Variants in POLR2F observed in about 807,000 individuals in gnomAD.
POLR2F encodes the protein RNA polymerase II, I and III subunit F.
A neutral mutation model predicts 22.7 loss-of-function variants in POLR2F; 12 were observed. The ratio of observed to expected loss-of-function variants is 0.53; its 90% confidence interval spans 0.34 to 0.86. POLR2F has a LOEUF of 0.86. Ranked by LOEUF, POLR2F falls within the 40% of genes least tolerant of loss-of-function variation. POLR2F has a pLI of 0.02. For synonymous variants in POLR2F, 57 were observed against 66.0 expected (o/e 0.86, Z 0.66); for missense variants, 126 against 171.5 (o/e 0.73, Z 1.48).
intron 3 of POLR2F, among the ~76,000 whole-genome samples, chr22:37,964,156 T>A (rs1009152382): frequency 2.0e-5 from 3 of 151,040 alleles, no homozygotes; most frequent in African/African-American, 7.3e-5. Context: ...AGGTGTTTTC[T>A]GGTGGGGGAG....
At chr22:38,033,402 C>A (rs1379468287) in intron 5 of POLR2F, among the ~76,000 whole-genome samples, 2 of 152,198 alleles carry the variant, frequency 1.3e-5, no homozygotes, top group Admixed American at 1.3e-4. Flanking sequence ...TCCCTGGCCC[C>A]AGATCCCAGA....
In POLR2F at chr22:37,986,497, C is replaced by G. The variant is rs1433405967; in HGVS notation, c.120+185C>G. Reference sequence around the variant, plus strand: ...CCACAGCTGCCCCCTCTCTAACTCCCTGCTTCCTCCTTTGCCCTCCTTGGT... The same window carrying G: ...CCACAGCTGCCCCCTCTCTAACTCCGTGCTTCCTCCTTTGCCCTCCTTGGT... On this transcript the variant is annotated intron_variant, in intron 1 of 2. Transcript: ENST00000333418. This position sits in a 1 kb window ranked among gnomAD's most constrained non-coding sequence, Gnocchi z 4.7. 2 of 1,344,448 alleles carry G rather than the reference C, an allele frequency of 1.5e-6. No homozygotes were observed. Among genetic ancestry groups the G allele is most frequent in the Non-Finnish European group, 2.1e-6 (2 of 972,936 alleles). 83.3% of individuals were successfully genotyped at this position (1,344,448 alleles called of 1,614,324 possible).
chr22:38,025,825 T>C, intron 1 of POLR2F: 1 of 1,395,012 alleles, frequency 7.2e-7, no homozygotes, highest in Non-Finnish European at 1.0e-6. Flanking sequence ...GCATGGTGTT[T>C]CCTATGTATG....
intron 1 of POLR2F, among the ~76,000 whole-genome samples, chr22:38,007,748 G>C (rs1032243994): frequency 2.6e-5 from 4 of 152,256 alleles, no homozygotes; most frequent in Admixed American, 2.6e-4. Context: ...CTGAGGGAGG[G>C]AGAGGGGAAC....
At chr22:37,990,331 C>T (rs1472977960) in intron 1 of POLR2F, among the ~76,000 whole-genome samples, 1 of 152,242 alleles carries the variant, frequency 6.6e-6, no homozygotes, top group Non-Finnish European at 1.5e-5. Flanking sequence ...TCTTCCTTCG[C>T]TCCCAACTCC....
chr22:38,040,869 A>G, intron 5 of POLR2F: 1 of 746,380 alleles, frequency 1.3e-6, no homozygotes, highest in Non-Finnish European at 2.2e-6. Context: ...AGCTTTTATA[A>G]AACGTGTGGA....
At chr22:38,003,523 G>A (rs543191420) in intron 1 of POLR2F, among the ~76,000 whole-genome samples, 12 of 148,760 alleles carry the variant, frequency 8.1e-5, no homozygotes, top group African/African-American at 3.0e-4. Context: ...CACTGCACCC[G>A]GCTGGGAGAT....
chr22:37,993,922 G>T (rs2084686177), intron 1 of POLR2F, among the ~76,000 whole-genome samples: 1 of 152,198 alleles, frequency 6.6e-6, no homozygotes. Context: ...CCGAGAGGCG[G>T]AGCTTGCAGT....
At chr22:38,014,812 T>G (rs888139584) in intron 1 of POLR2F, among the ~76,000 whole-genome samples, 2 of 144,944 alleles carry the variant, frequency 1.4e-5, no homozygotes, top group Non-Finnish European at 3.0e-5. Context: ...TTGTATTTTT[T>G]TTTTTTTTTT....
At position 37,980,640 on chromosome 22, in the gene POLR2F, TTA is replaced by T; in HGVS notation, c.293+13471_293+13472del. ...CTCCAGCACCAGTCCCCACTCAACA[TTA>T]CCAGCCCCAAACCCCCAACTTCGCC... On this transcript the variant is annotated intron_variant, in intron 4 of 4. Coordinates refer to the POLR2F transcript ENST00000405557. This position sits in a 1 kb window ranked among gnomAD's most constrained non-coding sequence, Gnocchi z 4.1. Among the ~76,000 whole-genome samples the T allele has an allele frequency of 6.6e-6, 1 of 152,192 alleles. No individual in the cohort carries two copies. The highest frequency in any genetic ancestry group is 1.9e-4 in the East Asian group (1 of 5,158).
chr22:37,983,086 A>T (rs980268427), upstream of POLR2F, among the ~76,000 whole-genome samples: 1 of 152,114 alleles, frequency 6.6e-6, no homozygotes, highest in African/African-American at 2.4e-5. This position sits in a 1 kb window ranked among gnomAD's most constrained non-coding sequence, Gnocchi z 9.5. Flanking sequence ...CCCAGGCCCC[A>T]CGGTCTGCCA....
intron 1 of POLR2F, among the ~76,000 whole-genome samples, chr22:37,995,791 C>T (rs1455712896): frequency 1.3e-5 from 2 of 151,552 alleles, no homozygotes; most frequent in East Asian, 3.9e-4. Flanking sequence ...TGGGCAACCC[C>T]CTTTCTACTT....
intron 2 of POLR2F, 133 bp from the exon 3 acceptor site, chr22:37,959,213 T>G (rs1001345116): frequency 3.3e-5 from 27 of 822,582 alleles, no homozygotes; most frequent in Non-Finnish European, 4.8e-5. Flanking sequence ...TAGGAAGCAG[T>G]TATGTGGTCC....
chr22:37,973,886 G>A (rs1363919335), downstream of POLR2F: 1 of 1,610,366 alleles, frequency 6.2e-7, no homozygotes, highest in East Asian at 2.2e-5. Flanking sequence ...CACGCCTGGT[G>A]GCTTGGAGAT....
intron 1 of POLR2F, among the ~76,000 whole-genome samples, chr22:37,994,786 G>A (rs771222733): frequency 2.6e-5 from 4 of 152,172 alleles, no homozygotes; most frequent in Non-Finnish European, 5.9e-5. Context: ...GATTACAGGC[G>A]TGAGCCACCG....
chr22:38,027,938 C>G (rs1016628934), downstream of POLR2F, among the ~76,000 whole-genome samples: 2 of 152,142 alleles, frequency 1.3e-5, no homozygotes, highest in Admixed American at 6.5e-5. Flanking sequence ...GGCGCTGTTA[C>G]CCGCCACTGT....
At chr22:38,025,944 C>G in exon 2 of POLR2F, 1 of 663,494 alleles carries the variant, frequency 1.5e-6, no homozygotes, top group South Asian at 1.4e-5. Context: ...GCTCTGAAAT[C>G]AATGACTCTG....
At chr22:38,011,466 T>C (rs953731853) in intron 1 of POLR2F, among the ~76,000 whole-genome samples, 2 of 151,644 alleles carry the variant, frequency 1.3e-5, no homozygotes, top group Non-Finnish European at 2.9e-5. Flanking sequence ...ATGGTTCTTT[T>C]TTTTTTTTTT....
At chr22:38,003,061 C>G (rs899767669) in intron 1 of POLR2F, among the ~76,000 whole-genome samples, 2 of 151,760 alleles carry the variant, frequency 1.3e-5, no homozygotes, top group African/African-American at 4.8e-5. Context: ...GATGTGTGAG[C>G]AAAGGTTCAG....
Sources: gnomAD v4.1 joint callset for allele counts (sites outside exome capture counted in the v4.1 genomes callset) on GRCh38, gnomAD v4.1.1 for gene constraint, Gnocchi (gnomAD v3.1) non-coding constraint, MANE v1.5 for transcripts, NCBI Gene and HGNC (gene_info 2026-07-23, HGNC 2026-07-21) for gene names.